The following SIPA1L3 variants were observed in gnomAD, a reference collection of about 807,000 sequenced individuals.
SIPA1L3 encodes the protein signal induced proliferation associated 1 like 3.
Under a neutral mutation model 150.1 loss-of-function variants are expected in SIPA1L3, and 59 were observed. The observed-to-expected ratio is 0.39, with a 90% CI of 0.32 to 0.49. The LOEUF is 0.49. Among genes scored for constraint, SIPA1L3 ranks in the 20% least tolerant of loss-of-function variants. The pLI is 0.86. For missense variants in SIPA1L3, 2,211 were observed against 2,489.5 expected, an observed-to-expected ratio of 0.89 and a Z score of 2.38; for synonymous variants, 1,070 against 1,077.6, an observed-to-expected ratio of 0.99 and a Z score of 0.14.
intron 1 of SIPA1L3, among the ~76,000 whole-genome samples, chr19:37,952,690 T>G (rs1437827702): frequency 6.6e-6 from 1 of 152,080 alleles, no homozygotes; most frequent in East Asian, 1.9e-4. Context: ...AAATAAAATA[T>G]AAAAATAAAT....
chr19:38,096,573 C>A (rs1255450605), intron 4 of SIPA1L3, among the ~76,000 whole-genome samples: 1 of 152,024 alleles, frequency 6.6e-6, no homozygotes, highest in Non-Finnish European at 1.5e-5. Context: ...TAAACCACAG[C>A]CCCAAGTGTA....
At chr19:37,971,570 G>GTT (rs58050100) in intron 1 of SIPA1L3, among the ~76,000 whole-genome samples, 1 of 149,454 alleles carries the variant, frequency 6.7e-6, no homozygotes, top group Non-Finnish European at 1.5e-5. Flanking sequence ...GTTTTTTGGG[G>GTT]TTTTTTTTTT....
intron 2 of SIPA1L3, among the ~76,000 whole-genome samples, chr19:38,072,349 C>T (rs759554099): frequency 1.3e-5 from 2 of 152,188 alleles, no homozygotes; most frequent in Non-Finnish European, 2.9e-5. Context: ...TAGTTGCTGT[C>T]GTAGATACTG....
chr19:38,192,304 C>CA lies in SIPA1L3; in HGVS notation c.4591dup (p.Thr1531AsnfsTer95). The CA allele has an allele frequency of 6.2e-7, 1 of 1,604,518 alleles. No individual in the cohort carries two copies. The highest frequency in any genetic ancestry group is 1.1e-5 in the South Asian group (1 of 89,890). On this transcript the variant is annotated frameshift_variant, in exon 17 of 22. Coordinates refer to ENST00000222345, the MANE Select transcript of SIPA1L3 (RefSeq NM_015073.3). LOFTEE classifies it high-confidence loss of function. ...ACCTGGGGCCAGAGCAGGAGAGAGA[C>CA]ACGGGAGTACGTAGGGCCCTGTCCC...
intron 2 of SIPA1L3, among the ~76,000 whole-genome samples, chr19:38,034,982 C>T (rs140361336): frequency 1.4e-3 from 208 of 152,270 alleles, no homozygotes; most frequent in African/African-American, 4.2e-3. Flanking sequence ...TGCCCTCATG[C>T]GGCTCCCCAT....
intron 12 of SIPA1L3, among the ~76,000 whole-genome samples, chr19:38,143,536 C>A (rs755254736): frequency 7.4e-6 from 1 of 135,694 alleles, no homozygotes; most frequent in Admixed American, 8.0e-5. Context: ...AGGGATCTTT[C>A]TGTGTCTTTT....
At chr19:37,964,870 G>A (rs1432020482) in intron 1 of SIPA1L3, 1 of 152,104 alleles carries the variant, frequency 6.6e-6, no homozygotes, top group Admixed American at 6.6e-5. Context: ...GCCCAGTCAA[G>A]TGAAATCAGA....
At chr19:38,176,857 G>A (rs1972445034) in intron 15 of SIPA1L3, among the ~76,000 whole-genome samples, 1 of 152,008 alleles carries the variant, frequency 6.6e-6, no homozygotes, top group Non-Finnish European at 1.5e-5. Context: ...TGTAATCCCA[G>A]CTACTCGAGA....
intron 8 of SIPA1L3, among the ~76,000 whole-genome samples, chr19:38,118,958 GC>G (rs1170128113): frequency 1.3e-5 from 2 of 152,182 alleles, no homozygotes; most frequent in Non-Finnish European, 2.9e-5. Flanking sequence ...ACTTTGGGAA[GC>G]CCAGGAGGTA....
At chr19:37,988,928 C>G (rs1462297927) in intron 1 of SIPA1L3, among the ~76,000 whole-genome samples, 1 of 152,126 alleles carries the variant, frequency 6.6e-6, no homozygotes, top group East Asian at 1.9e-4. Flanking sequence ...CGAAGCTTCC[C>G]TTAGGTTTCT....
At chr19:38,110,107 C>T (rs1970704026) in intron 7 of SIPA1L3, 120 bp from the exon 8 acceptor site, 2 of 925,908 alleles carry the variant, frequency 2.2e-6, no homozygotes, top group Admixed American at 4.2e-5. Context: ...ATTCCTTGGG[C>T]TGTGTGTGAG....
chr19:37,941,422 A>G (rs1445468108), intron 1 of SIPA1L3, among the ~76,000 whole-genome samples: 1 of 147,278 alleles, frequency 6.8e-6, no homozygotes, highest in Non-Finnish European at 1.5e-5. Flanking sequence ...CTATTGAACA[A>G]TTGGGCTGGT....
At chr19:38,013,193 TGA>T in intron 1 of SIPA1L3, among the ~76,000 whole-genome samples, 1 of 152,326 alleles carries the variant, frequency 6.6e-6, no homozygotes, top group South Asian at 2.1e-4. Flanking sequence ...TTAGCATCTC[TGA>T]GAGTTTGCCT....
At chr19:38,026,669 C>T (rs1968517567) in intron 1 of SIPA1L3, among the ~76,000 whole-genome samples, 3 of 152,218 alleles carry the variant, frequency 2.0e-5, no homozygotes, top group African/African-American at 7.2e-5. Flanking sequence ...AGCTGCTCCG[C>T]CTTTACCTTC....
At chr19:38,115,057 G>A (rs994573666) in intron 8 of SIPA1L3, among the ~76,000 whole-genome samples, 3 of 152,214 alleles carry the variant, frequency 2.0e-5, no homozygotes, top group Admixed American at 2.0e-4. Flanking sequence ...AGAGGTGTGG[G>A]GAGCTTACGG....
chr19:38,181,249 G>A (rs1275329322), intron 15 of SIPA1L3, among the ~76,000 whole-genome samples: 2 of 152,198 alleles, frequency 1.3e-5, no homozygotes, highest in Non-Finnish European at 2.9e-5. Flanking sequence ...CATCTCTGGG[G>A]AGATGTGCCA....
intron 2 of SIPA1L3, among the ~76,000 whole-genome samples, chr19:38,069,455 A>C (rs1372461351): frequency 1.3e-5 from 2 of 151,822 alleles, no homozygotes; most frequent in Admixed American, 1.3e-4. Flanking sequence ...GGCTCCCATC[A>C]CCCACCTGCC....
intron 1 of SIPA1L3, among the ~76,000 whole-genome samples, chr19:38,000,202 C>A (rs1260505639): frequency 2.0e-5 from 3 of 152,026 alleles, no homozygotes; most frequent in Non-Finnish European, 4.4e-5. Context: ...TGTGGTGGCT[C>A]ACACCTGTAA....
chr19:38,036,612 C>T (rs562536678), intron 2 of SIPA1L3, among the ~76,000 whole-genome samples: 3 of 152,314 alleles, frequency 2.0e-5, no homozygotes, highest in South Asian at 4.1e-4. Flanking sequence ...ACCTTCCGGT[C>T]GGTGATCACA....
Sources: allele counts gnomAD v4.1 joint callset (sites outside exome capture counted in the v4.1 genomes callset), GRCh38; gene constraint gnomAD v4.1.1; transcripts MANE v1.5; gene names NCBI Gene and HGNC (gene_info 2026-07-23, HGNC 2026-07-21).